The following NIBAN1 variants were observed in gnomAD, a reference collection of about 807,000 sequenced individuals.
The protein encoded by NIBAN1 is niban apoptosis regulator 1, also known as protein Niban 1.
NIBAN1 carries 81 observed loss-of-function variants against 75.1 expected under a neutral mutation model. That is an observed-to-expected ratio of 1.08 (90% CI 0.90 to 1.30). The LOEUF is 1.30. Ranked by LOEUF, NIBAN1 falls within the 50% of genes most tolerant of loss-of-function variation. The pLI is 0.00. For missense variants in NIBAN1, 1,133 were observed against 1,128.1 expected, an observed-to-expected ratio of 1.00 and a Z score of -0.06; for synonymous variants, 436 against 424.8, an observed-to-expected ratio of 1.03 and a Z score of -0.32.
At chr1:184,838,041 A>C (rs1655185164) in intron 5 of NIBAN1, among the ~76,000 whole-genome samples, 1 of 152,300 alleles carries the variant, frequency 6.6e-6, no homozygotes, top group African/African-American at 2.4e-5. Context: ...AATTATACCA[A>C]GTCAAAGGAT....
At chr1:184,940,881 T>A (rs1389547978) in intron 1 of NIBAN1, among the ~76,000 whole-genome samples, 2 of 152,240 alleles carry the variant, frequency 1.3e-5, no homozygotes, top group Non-Finnish European at 2.9e-5. Context: ...CATCATTCGA[T>A]CTGCTTGAGA....
chr1:184,843,624 T>C (rs1655356429), intron 5 of NIBAN1, among the ~76,000 whole-genome samples: 1 of 152,290 alleles, frequency 6.6e-6, no homozygotes, highest in African/African-American at 2.4e-5. Flanking sequence ...CACAATCAAT[T>C]ATTTCCTATC....
chr1:184,875,913 C>T lies in NIBAN1; in HGVS notation c.601+8720G>A, dbSNP rs1311805245. 5.3e-5 allele frequency among the ~76,000 whole-genome samples: 8 copies of T among 152,074 alleles called. No homozygotes were observed. In the East Asian group the frequency reaches 1.5e-3, roughly 29 times the overall value. ...ATAAGGCCAGGCACGATGGCTCATG[C>T]CTATAATCCCAGCACTTTGGGAGGC... On this transcript the variant is annotated intron_variant, in intron 5 of 13. Coordinates refer to ENST00000367511, the MANE Select transcript of NIBAN1 (RefSeq NM_052966.4).
chr1:184,909,249 C>G (rs1380341290), intron 1 of NIBAN1, among the ~76,000 whole-genome samples: 2 of 152,214 alleles, frequency 1.3e-5, no homozygotes, highest in African/African-American at 4.8e-5. Flanking sequence ...GATTTCCCTT[C>G]CAACACATCA....
chr1:184,941,980 T>C (rs1238657129), intron 1 of NIBAN1, among the ~76,000 whole-genome samples: 4 of 152,218 alleles, frequency 2.6e-5, no homozygotes, highest in African/African-American at 9.6e-5. Context: ...CTGAGTAATC[T>C]TGACTCAACT....
At chr1:184,841,521 G>A (rs753296421) in intron 5 of NIBAN1, among the ~76,000 whole-genome samples, 1 of 152,208 alleles carries the variant, frequency 6.6e-6, no homozygotes, top group African/African-American at 2.4e-5. Flanking sequence ...TACTTCTGAA[G>A]AAGACCAAGT....
chr1:184,952,026 G>T (rs1658370545), intron 1 of NIBAN1, among the ~76,000 whole-genome samples: 1 of 152,174 alleles, frequency 6.6e-6, no homozygotes, highest in East Asian at 1.9e-4. Flanking sequence ...AGTCTGCTTT[G>T]TTCATCCCGT....
At chr1:184,861,530 GAGGA>G (rs1362884258) in intron 5 of NIBAN1, among the ~76,000 whole-genome samples, 1 of 150,660 alleles carries the variant, frequency 6.6e-6, no homozygotes, top group East Asian at 1.9e-4. Flanking sequence ...GAAGAGGAGG[GAGGA>G]AGGGAGGAAG....
At chr1:184,897,277 AGTGT>A (rs34548568) in intron 2 of NIBAN1, among the ~76,000 whole-genome samples, 5,623 of 132,492 alleles carry the variant, frequency 0.042, 240 homozygotes, top group African/African-American at 0.13. Flanking sequence ...TGTACTCCTA[AGTGT>A]GTGTGTGTGT....
chr1:184,947,617 G>A (rs986301182), intron 1 of NIBAN1, among the ~76,000 whole-genome samples: 1 of 152,224 alleles, frequency 6.6e-6, no homozygotes, highest in Non-Finnish European at 1.5e-5. Context: ...CCAGATTCCT[G>A]TATATTGAAC....
intron 3 of NIBAN1, among the ~76,000 whole-genome samples, chr1:184,893,289 G>T (rs936499406): frequency 6.6e-6 from 1 of 152,114 alleles, no homozygotes; most frequent in African/African-American, 2.4e-5. Flanking sequence ...TTGTCAACAG[G>T]TTCATTTCTA....
intron 8 of NIBAN1, among the ~76,000 whole-genome samples, chr1:184,821,232 C>T (rs1571491654): frequency 6.6e-6 from 1 of 152,090 alleles, no homozygotes; most frequent in African/African-American, 2.4e-5. Context: ...AGAACTAAAG[C>T]TCAGGGGCTT....
In NIBAN1 at chr1:184,968,005, C is replaced by T. The variant is rs1210907295; in HGVS notation, c.55+6297G>A. Reference sequence around the variant, plus strand: ...GATCATGAGGTCAGGAGATCGAGACCATCCTGGCTAACAAGGTGAAACCCC... The same window carrying T: ...GATCATGAGGTCAGGAGATCGAGACTATCCTGGCTAACAAGGTGAAACCCC... On this transcript the variant is annotated intron_variant, in intron 1 of 13. Coordinates refer to ENST00000367511, the MANE Select transcript of NIBAN1 (RefSeq NM_052966.4). Among the ~76,000 whole-genome samples, 2 of 11,818 alleles carry T rather than the reference C, an allele frequency of 1.7e-4. 1 individual carries two copies. The highest frequency in any genetic ancestry group is 6.2e-4 in the Non-Finnish European group (2 of 3,246). The allele number at this position is 11,818 out of a possible 152,430, so 7.8% of individuals were successfully genotyped here. A position where few individuals can be genotyped will look rare whatever the true frequency, so the allele number is the denominator to read the frequency against.
At chr1:184,900,852 G>T (rs1249902377) in intron 1 of NIBAN1, among the ~76,000 whole-genome samples, 1 of 152,156 alleles carries the variant, frequency 6.6e-6, no homozygotes, top group African/African-American at 2.4e-5. Context: ...AAATAAACTT[G>T]CTGTAATATT....
chr1:184,832,602 T>C (rs1655029004), intron 5 of NIBAN1, among the ~76,000 whole-genome samples: 1 of 152,212 alleles, frequency 6.6e-6, no homozygotes, highest in Admixed American at 6.5e-5. Context: ...CTAGATCATA[T>C]AGCTAGTGAG....
chr1:184,941,646 C>T (rs1293343474), intron 1 of NIBAN1, among the ~76,000 whole-genome samples: 3 of 139,774 alleles, frequency 2.1e-5, no homozygotes, highest in Admixed American at 2.1e-4. Flanking sequence ...AAGCAAGACC[C>T]TGTCTCAAAA....
chr1:184,965,027 C>T (rs1004948832), intron 1 of NIBAN1, among the ~76,000 whole-genome samples: 4 of 152,132 alleles, frequency 2.6e-5, no homozygotes. Context: ...GGGCCGGGCG[C>T]GGCGGCTCAC....
At chr1:184,921,146 A>C (rs993451451) in intron 1 of NIBAN1, among the ~76,000 whole-genome samples, 7 of 150,200 alleles carry the variant, frequency 4.7e-5, no homozygotes, top group Non-Finnish European at 7.4e-5. Flanking sequence ...AAAAAAAAAA[A>C]ATTAGCCGGG....
chr1:184,864,435 C>A (rs150456165), intron 5 of NIBAN1, among the ~76,000 whole-genome samples: 1 of 152,124 alleles, frequency 6.6e-6, no homozygotes, highest in African/African-American at 2.4e-5. Flanking sequence ...AGTCTGTGAA[C>A]AAGTGTGAAT....
Sources: gnomAD v4.1 joint callset for allele counts (sites outside exome capture counted in the v4.1 genomes callset) on GRCh38, gnomAD v4.1.1 for gene constraint, MANE v1.5 for transcripts, NCBI Gene and HGNC (gene_info 2026-07-23, HGNC 2026-07-21) for gene names.